RBMS1: variants seen among roughly 807,000 people sequenced by gnomAD.
RBMS1 encodes the protein RNA-binding motif, single-stranded-interacting protein 1.
Under a neutral mutation model 62.3 loss-of-function variants are expected in RBMS1, and 17 were observed. The observed-to-expected ratio is 0.27, with a 90% CI of 0.19 to 0.41. The LOEUF (loss-of-function observed/expected upper bound fraction) is 0.41, where lower values mean the gene tolerates loss of function less well. Among genes scored for constraint, RBMS1 ranks in the 10% least tolerant of loss-of-function variants. The pLI is 1.00. For missense variants in RBMS1, 334 were observed against 504.5 expected (o/e 0.66, Z 3.24); for synonymous variants, 172 against 170.0 (o/e 1.01, Z -0.09).
At chr2:160,423,481 C>G (rs1385088234) in intron 1 of RBMS1, among the ~76,000 whole-genome samples, 1 of 152,134 alleles carries the variant, frequency 6.6e-6, no homozygotes, top group Non-Finnish European at 1.5e-5. Context: ...GTTTGCACTT[C>G]ACTGCCCATT....
chr2:160,483,911 GAA>G (rs5835809), intron 1 of RBMS1, among the ~76,000 whole-genome samples: 1 of 150,970 alleles, frequency 6.6e-6, no homozygotes, highest in African/African-American at 2.4e-5. Context: ...CTACAACCCA[GAA>G]AAAAAACATG....
At chr2:160,384,949 C>T (rs1046625386) in intron 1 of RBMS1, among the ~76,000 whole-genome samples, 3 of 152,170 alleles carry the variant, frequency 2.0e-5, no homozygotes, top group African/African-American at 7.2e-5. Flanking sequence ...TGAGTTCTCA[C>T]TCTGAGATCC....
At chr2:160,350,237 CA>C (rs1030404873) in intron 2 of RBMS1, among the ~76,000 whole-genome samples, 53 of 152,158 alleles carry the variant, frequency 3.5e-4, no homozygotes, top group African/African-American at 1.3e-3. Context: ...TAAACACTAA[CA>C]GCATTACAAG....
intron 1 of RBMS1, among the ~76,000 whole-genome samples, chr2:160,449,376 C>T (rs956469352): frequency 6.6e-6 from 1 of 152,142 alleles, no homozygotes; most frequent in Non-Finnish European, 1.5e-5. Context: ...GCGTTTTTGT[C>T]GAATAGAAAA....
At chr2:160,370,646 G>A (rs1693676623) in intron 1 of RBMS1, among the ~76,000 whole-genome samples, 1 of 152,312 alleles carries the variant, frequency 6.6e-6, no homozygotes, top group South Asian at 2.1e-4. Context: ...TTTGAACGCA[G>A]GTCTGCTAGA....
intron 2 of RBMS1, among the ~76,000 whole-genome samples, chr2:160,335,916 C>G (rs1282928668): frequency 6.6e-6 from 1 of 152,180 alleles, no homozygotes; most frequent in Non-Finnish European, 1.5e-5. Context: ...GGAATGGTCA[C>G]TGAGTCTGAT....
In RBMS1 at chr2:160,391,971, A is replaced by C. The variant is rs542259421; in HGVS notation, c.76-24580T>G. 3.4e-3 allele frequency among the ~76,000 whole-genome samples: 511 copies of C among 151,242 alleles called. 14 individuals carry two copies. Among genetic ancestry groups the C allele is most frequent in the South Asian group, 0.033 (158 of 4,808 alleles). Reference sequence around the variant, plus strand: ...GGAGACTCCATCTCCAAAAAAAAAAACCAAATTAATTAATTAAATAATAAC... The same window carrying C: ...GGAGACTCCATCTCCAAAAAAAAAACCCAAATTAATTAATTAAATAATAAC... On this transcript the variant is annotated intron_variant, in intron 1 of 13. Coordinates refer to ENST00000348849, the MANE Select transcript of RBMS1 (RefSeq NM_016836.4).
At chr2:160,275,021 T>A (rs184153211) in intron 13 of RBMS1, among the ~76,000 whole-genome samples, 12 of 152,268 alleles carry the variant, frequency 7.9e-5, no homozygotes, top group African/African-American at 2.9e-4. Context: ...CTTTATGAAA[T>A]CAAAAATACA....
intron 2 of RBMS1, among the ~76,000 whole-genome samples, chr2:160,348,772 A>G (rs1357195045): frequency 6.6e-6 from 1 of 152,160 alleles, no homozygotes; most frequent in African/African-American, 2.4e-5. Context: ...AATGATGATA[A>G]GAAAATGTAT....
At chr2:160,323,894 A>G (rs1276593274) in intron 2 of RBMS1, among the ~76,000 whole-genome samples, 1 of 152,148 alleles carries the variant, frequency 6.6e-6, no homozygotes, top group Non-Finnish European at 1.5e-5. Flanking sequence ...TTTTACTTAG[A>G]ATTTACTAAA....
In RBMS1 at chr2:160,274,037, T is replaced by A. The variant is rs1016409471; in HGVS notation, c.*735A>T. 6.6e-6 allele frequency: 1 copy of A among 152,662 alleles called. No homozygotes were observed. Among genetic ancestry groups the A allele is most frequent in the African/African-American group, 2.4e-5 (1 of 41,464 alleles). 9.5% of individuals were successfully genotyped at this position (152,662 alleles called of 1,614,324 possible). On this transcript the variant is annotated 3_prime_UTR_variant, in exon 14 of 14. Transcript: ENST00000348849. ...CAAAATTTCAGCAACTTTTATTGACTACCTTTTAAAAGCCCTATGCTGCTG... is the reference window on the plus strand; with the variant it reads ...CAAAATTTCAGCAACTTTTATTGACAACCTTTTAAAAGCCCTATGCTGCTG...
At chr2:160,337,913 A>G (rs537705308) in intron 2 of RBMS1, among the ~76,000 whole-genome samples, 1 of 152,292 alleles carries the variant, frequency 6.6e-6, no homozygotes, top group African/African-American at 2.4e-5. Flanking sequence ...TGTGAGATGG[A>G]TATCAGCTCC....
At chr2:160,376,752 C>T (rs891705839) in intron 1 of RBMS1, among the ~76,000 whole-genome samples, 2 of 152,144 alleles carry the variant, frequency 1.3e-5, no homozygotes, top group Admixed American at 6.5e-5. Context: ...CCTCCTGTCA[C>T]AGCCTCCCAC....
At chr2:160,449,651 ACTCC>A (rs1683875809) in intron 1 of RBMS1, among the ~76,000 whole-genome samples, 2 of 151,740 alleles carry the variant, frequency 1.3e-5, no homozygotes, top group South Asian at 4.2e-4. Context: ...AGTCATCACC[ACTCC>A]CTCATCTCAA....
At chr2:160,446,985 C>T (rs1032606902) in intron 1 of RBMS1, among the ~76,000 whole-genome samples, 1 of 152,222 alleles carries the variant, frequency 6.6e-6, no homozygotes, top group Non-Finnish European at 1.5e-5. Context: ...ACCCCTTCTT[C>T]ATGTAACTAA....
chr2:160,330,620 T>A (rs1213849640), intron 2 of RBMS1, among the ~76,000 whole-genome samples: 1 of 143,798 alleles, frequency 7.0e-6, no homozygotes, highest in Non-Finnish European at 1.5e-5. Flanking sequence ...GAAAATATGT[T>A]TTTTTTTTTT....
intron 1 of RBMS1, among the ~76,000 whole-genome samples, chr2:160,469,242 A>G (rs547439518): frequency 6.6e-6 from 1 of 152,310 alleles, no homozygotes; most frequent in Non-Finnish European, 1.5e-5. Context: ...TCATTCTTTC[A>G]TTGCACTTGC....
intron 1 of RBMS1, among the ~76,000 whole-genome samples, chr2:160,368,085 G>A (rs763142461): frequency 3.3e-5 from 5 of 152,114 alleles, no homozygotes; most frequent in East Asian, 3.9e-4. Flanking sequence ...TTTTACAGTC[G>A]GCAGCCACCT....
At position 160,275,662 on chromosome 2, in the gene RBMS1, G is replaced by T. The variant is rs1559301119; in HGVS notation, c.1196C>A (p.Pro399Gln). The change falls in exon 13 of 14, where the codon CCA becomes CAA. Residue 399 changes from proline (P) to glutamine (Q), a missense_variant. By Grantham distance (76) the Pro-to-Gln change is moderately conservative. Around this residue, in one of 3 missense-constraint regions of RBMS1, gnomAD observed 182 missense variants for 257.7 expected, o/e 0.71. Transcript: ENST00000348849. The part of the protein sequence containing the change: ...VAVETSNDHS[P>Q]YTFQPNK Reference sequence around the variant, plus strand: ...TTACTTATTAGGTTGAAAGGTATATGGAGAATGGTCATTAGACGTCTCGAC... The same window carrying T: ...TTACTTATTAGGTTGAAAGGTATATTGAGAATGGTCATTAGACGTCTCGAC... 1 of 1,613,758 alleles carries T rather than the reference G, an allele frequency of 6.2e-7. No individual in the cohort carries two copies. The highest frequency in any genetic ancestry group is 1.3e-5 in the African/African-American group (1 of 75,012).
Sources: allele counts gnomAD v4.1 joint callset (sites outside exome capture counted in the v4.1 genomes callset), GRCh38; gene constraint gnomAD v4.1.1; regional missense constraint gnomAD v4.1.1; transcripts MANE v1.5; gene names NCBI Gene and HGNC (gene_info 2026-07-23, HGNC 2026-07-21).